Variants in TLX2 observed in about 807,000 individuals in gnomAD.
The protein encoded by TLX2 is T-cell leukemia homeobox protein 2.
Under a neutral mutation model 21.7 loss-of-function variants are expected in TLX2, and 15 were observed. The ratio of observed to expected loss-of-function variants is 0.69; its 90% CI spans 0.46 to 1.07. The LOEUF (loss-of-function observed/expected upper bound fraction) is 1.07. Among genes scored for constraint, TLX2 ranks in the 50% least tolerant of loss-of-function variants. The probability of loss-of-function intolerance (pLI) is 0.00; values close to 1 mark genes in which losing one functional copy is unlikely to be tolerated. For synonymous variants in TLX2, 213 were observed against 193.1 expected, an observed-to-expected ratio of 1.10 and a Z score of -0.85; for missense variants, 384 against 409.1, an observed-to-expected ratio of 0.94 and a Z score of 0.53.
chr2:74,517,100 T>C lies in TLX2; in HGVS notation c.*911T>C, dbSNP rs1468170674. The C allele has an allele frequency of 6.6e-6, 1 of 152,290 alleles. No individual in the cohort carries two copies. The allele number at this position is 152,290 out of a possible 1,614,324, so 9.4% of individuals were successfully genotyped here. A position where few individuals can be genotyped will look rare whatever the true frequency, so the allele number is the denominator to read the frequency against. On this transcript the variant is annotated 3_prime_UTR_variant, in exon 3 of 3. Coordinates refer to ENST00000233638, the MANE Select transcript of TLX2 (RefSeq NM_016170.5). Reference sequence around the variant, plus strand: ...GAAGACTGGAGCAAAATTAACTGTATAGGCAAAACTAAATGTTATACCTAG... The same window carrying C: ...GAAGACTGGAGCAAAATTAACTGTACAGGCAAAACTAAATGTTATACCTAG...
In TLX2 at chr2:74,516,322, C is replaced by T. The variant is rs987175253; in HGVS notation, c.*133C>T. ...TTGAGGCTGTCGTCGAGGGCTCCTC[C>T]ACCACCGGCCGGCTCCCAAGCCAGC... On this transcript the variant is annotated 3_prime_UTR_variant, in exon 3 of 3. Transcript: ENST00000233638. 1 of 1,524,800 alleles carries T rather than the reference C, an allele frequency of 6.6e-7. No individual in the cohort carries two copies. Among genetic ancestry groups the T allele is most frequent in the Non-Finnish European group, 8.8e-7 (1 of 1,141,350 alleles). 94.5% of individuals were successfully genotyped at this position (1,524,800 alleles called of 1,614,324 possible). A position where few individuals can be genotyped will look rare whatever the true frequency, so the allele number is the denominator to read the frequency against.
chr2:74,515,598 G>A lies in TLX2; in HGVS notation c.401-35G>A. Reference sequence around the variant, plus strand: ...TCTCAGTGGCACCTCGGGCCACCCTGCAAATCCTGCCCTGGTCTTTCTTCC... The same window carrying A: ...TCTCAGTGGCACCTCGGGCCACCCTACAAATCCTGCCCTGGTCTTTCTTCC... On this transcript the variant is annotated intron_variant, in intron 1 of 2. Coordinates refer to ENST00000233638, the MANE Select transcript of TLX2 (RefSeq NM_016170.5). This position sits in a 1 kb window ranked among gnomAD's most constrained non-coding sequence, Gnocchi z 6.6. 6.3e-7 allele frequency: 1 copy of A among 1,580,044 alleles called. No individual in the cohort carries two copies. Among genetic ancestry groups the A allele is most frequent in the South Asian group, 1.1e-5 (1 of 87,780 alleles).
rs1674889699 is a variant in TLX2 at position 74,516,457 on chromosome 2, G to A, written c.*268G>A. The A allele has an allele frequency of 7.4e-7, 1 of 1,349,564 alleles. No individual in the cohort carries two copies. Among genetic ancestry groups the A allele is most frequent in the African/African-American group, 1.5e-5 (1 of 65,670 alleles). 83.6% of individuals were successfully genotyped at this position (1,349,564 alleles called of 1,614,324 possible). ...GGCGCCGAGAGGGCGGGACCTGCAG[G>A]ACAGTAGCCAATGAGGTGCGGGGAG... On this transcript the variant is annotated 3_prime_UTR_variant, in exon 3 of 3. Coordinates refer to ENST00000233638, the MANE Select transcript of TLX2 (RefSeq NM_016170.5).
Position 74,516,412 on chromosome 2 carries a change from A to G in TLX2, c.*223A>G, listed in dbSNP as rs1356772008. ...CGCCATTTTTCACTTCACTGCCGTT[A>G]CGCCCTCGCTGGAACCTGAGGCGCC... is the stretch of plus-strand genomic sequence containing the variant. On this transcript the variant is annotated 3_prime_UTR_variant, in exon 3 of 3. Coordinates refer to ENST00000233638, the MANE Select transcript of TLX2 (RefSeq NM_016170.5). The G allele has an allele frequency of 7.0e-7, 1 of 1,430,114 alleles. No homozygotes were observed. 88.6% of individuals were successfully genotyped at this position (1,430,114 alleles called of 1,614,324 possible). A position where few individuals can be genotyped will look rare whatever the true frequency, so the allele number is the denominator to read the frequency against.
In TLX2 at chr2:74,516,205, T is replaced by A. The variant is rs1279791661; in HGVS notation, c.*16T>A. The A allele has an allele frequency of 1.9e-6, 3 of 1,604,676 alleles. No individual in the cohort carries two copies. Among genetic ancestry groups the A allele is most frequent in the Non-Finnish European group, 2.5e-6 (3 of 1,176,690 alleles). ...GGTGGTGTGAGCGACGCCCGTCCGA[T>A]CGGCGTGGAGCGCCGGGCCCGGAGC... On this transcript the variant is annotated 3_prime_UTR_variant, in exon 3 of 3. Coordinates refer to ENST00000233638, the MANE Select transcript of TLX2 (RefSeq NM_016170.5).
chr2:74,516,220 G>A lies in TLX2; in HGVS notation c.*31G>A, dbSNP rs754391607. 14 of 1,595,996 alleles carry A rather than the reference G, an allele frequency of 8.8e-6. No homozygotes were observed. Among genetic ancestry groups the A allele is most frequent in the African/African-American group, 1.3e-5 (1 of 74,602 alleles). On this transcript the variant is annotated 3_prime_UTR_variant, in exon 3 of 3. Coordinates refer to ENST00000233638, the MANE Select transcript of TLX2 (RefSeq NM_016170.5). ...GCCCGTCCGATCGGCGTGGAGCGCC[G>A]GGCCCGGAGCGGTGGAGCGCGCGGC...
At position 74,517,072 on chromosome 2, in the gene TLX2, T is replaced by G. The variant is rs544545073; in HGVS notation, c.*883T>G. On this transcript the variant is annotated 3_prime_UTR_variant, in exon 3 of 3. Coordinates refer to ENST00000233638, the MANE Select transcript of TLX2 (RefSeq NM_016170.5). ...GTGCTGTGGATGATGAAAGGGAAAT[T>G]GGGAAGACTGGAGCAAAATTAACTG... 6.6e-6 allele frequency: 1 copy of G among 152,368 alleles called. No individual in the cohort carries two copies. Among genetic ancestry groups the G allele is most frequent in the African/African-American group, 2.4e-5 (1 of 41,568 alleles). The allele number at this position is 152,368 out of a possible 1,614,324, so 9.4% of individuals were successfully genotyped here.
Position 74,515,336 on chromosome 2 carries a change from A to C in TLX2, c.400+130A>C. 4 of 1,492,978 alleles carry C rather than the reference A, an allele frequency of 2.7e-6. No homozygotes were observed. Among genetic ancestry groups the C allele is most frequent in the Non-Finnish European group, 3.6e-6 (4 of 1,120,432 alleles). The allele number at this position is 1,492,978 out of a possible 1,614,324, so 92.5% of individuals were successfully genotyped here. The stretch of plus-strand genomic sequence containing the variant: ...GATCCTCCCAGGGGATCCTCCCCCA[A>C]CTCAAATCTCTGGGTCCTGCCTCCG... On this transcript the variant is annotated intron_variant, in intron 1 of 2. Coordinates refer to ENST00000233638, the MANE Select transcript of TLX2 (RefSeq NM_016170.5). This position sits in a 1 kb window ranked among gnomAD's most constrained non-coding sequence, Gnocchi z 6.6.
Position 74,516,094 on chromosome 2 carries a change from C to T in TLX2, c.760C>T (p.Leu254=). Residue 254 remains leucine, a synonymous_variant, in exon 3 of 3, where the codon CTG becomes TTG. Transcript: ENST00000233638. ...GCCGCTGCCCCCGGACCCTCTCTGC[C>T]TGCACAACTCGTCGCTCTTCGCGCT... ...RPPLPPDPLC[L]HNSSLFALQN... is the part of the protein sequence containing the mutation. 1 of 1,609,194 alleles carries T rather than the reference C, an allele frequency of 6.2e-7. No individual in the cohort carries two copies. Among genetic ancestry groups the T allele is most frequent in the South Asian group, 1.1e-5 (1 of 90,698 alleles).
rs1413819181 is a variant in TLX2, at chr2:74,514,883, G to A, written c.77G>A (p.Ser26Asn). 27 of 1,612,660 alleles carry A rather than the reference G, an allele frequency of 1.7e-5. No homozygotes were observed. Among genetic ancestry groups the A allele is most frequent in the Non-Finnish European group, 2.2e-5 (26 of 1,179,542 alleles). Reference sequence around the variant, plus strand: ...AGCTTCGGCATCGATCAGATCCTGAGCGGCCCCGAAACCCCAGGGGGCGGT... The same window carrying A: ...AGCTTCGGCATCGATCAGATCCTGAACGGCCCCGAAACCCCAGGGGGCGGT... The part of the protein sequence containing the change: ...PISFGIDQIL[S>N]GPETPGGGLG... Residue 26 changes from serine (S) to asparagine (N), a missense_variant, in exon 1 of 3, where the codon AGC becomes AAC. Ser to Asn is a conservative substitution (Grantham distance 46). Transcript: ENST00000233638. The surrounding 1 kb of genome is among the most constrained non-coding windows in gnomAD (Gnocchi z 5.0).
Position 74,515,098 on chromosome 2 carries a change from G to T in TLX2, c.292G>T (p.Ala98Ser). The change falls in exon 1 of 3, where the codon GCG becomes TCG. Residue 98 changes from alanine (A) to serine (S), a missense_variant. Coordinates refer to ENST00000233638, the MANE Select transcript of TLX2 (RefSeq NM_016170.5). This position sits in a 1 kb window ranked among gnomAD's most constrained non-coding sequence, Gnocchi z 6.6. ...PLPVPPPAGGAPAVPGPSGLG... is the reference protein window; with the variant it reads ...PLPVPPPAGGSPAVPGPSGLG... ...GCCTGTGCCGCCGCCCGCTGGGGGGGCGCCTGCAGTGCCTGGGCCCTCGGG... is the reference window on the plus strand; with the variant it reads ...GCCTGTGCCGCCGCCCGCTGGGGGGTCGCCTGCAGTGCCTGGGCCCTCGGG... 2.0e-6 allele frequency: 3 copies of T among 1,527,304 alleles called. No homozygotes were observed. The highest frequency in any genetic ancestry group is 2.6e-6 in the Non-Finnish European group (3 of 1,139,708). 94.6% of individuals were successfully genotyped at this position (1,527,304 alleles called of 1,614,324 possible).
In TLX2 at chr2:74,516,238, C is replaced by A; in HGVS notation, c.*49C>A. The A allele has an allele frequency of 6.3e-7, 1 of 1,575,320 alleles. No individual in the cohort carries two copies. Among genetic ancestry groups the A allele is most frequent in the Admixed American group, 1.8e-5 (1 of 55,346 alleles). On this transcript the variant is annotated 3_prime_UTR_variant, in exon 3 of 3. Coordinates refer to ENST00000233638, the MANE Select transcript of TLX2 (RefSeq NM_016170.5). ...GAGCGCCGGGCCCGGAGCGGTGGAG[C>A]GCGCGGCTGCCTGCGTCCATGGTCT...
At position 74,515,910 on chromosome 2, in the gene TLX2, A is replaced by G; in HGVS notation, c.638+40A>G. The G allele has an allele frequency of 1.3e-6, 2 of 1,578,662 alleles. No homozygotes were observed. The highest frequency in any genetic ancestry group is 8.6e-7 in the Non-Finnish European group (1 of 1,161,970). On this transcript the variant is annotated intron_variant, in intron 2 of 2. Coordinates refer to ENST00000233638, the MANE Select transcript of TLX2 (RefSeq NM_016170.5). The surrounding 1 kb of genome is among the most constrained non-coding windows in gnomAD (Gnocchi z 6.6). ...GGGCGAGGGCGGACTGGGGTTCCCG[A>G]GCAGGGCCTGGTGAGAAGCGACGCG...
Position 74,516,482 on chromosome 2 carries a change from G to C in TLX2, c.*293G>C, listed in dbSNP as rs1013441371. ...GACAGTAGCCAATGAGGTGCGGGGAGGGGGCCGGGCTGGCCAATGGGAGCT... is the reference window on the plus strand; with the variant it reads ...GACAGTAGCCAATGAGGTGCGGGGACGGGGCCGGGCTGGCCAATGGGAGCT... On this transcript the variant is annotated 3_prime_UTR_variant, in exon 3 of 3. Transcript: ENST00000233638. 4.6e-6 allele frequency: 6 copies of C among 1,294,904 alleles called. No individual in the cohort carries two copies. Among genetic ancestry groups the C allele is most frequent in the South Asian group, 3.1e-5 (2 of 63,492 alleles). The allele number at this position is 1,294,904 out of a possible 1,614,324, so 80.2% of individuals were successfully genotyped here.
At position 74,515,184 on chromosome 2, in the gene TLX2, CTT is replaced by C; in HGVS notation, c.380_381del (p.Phe127CysfsTer239). ...TCCCCTGGATGGACAGCGGCCGCCGCTTTGCCAAGGACCGGCTCACGGGTGAG... is the reference window on the plus strand; with the variant it reads ...TCCCCTGGATGGACAGCGGCCGCCGCTGCCAAGGACCGGCTCACGGGTGAG... ...TFPWMDSGRR[F>X]AKDRLTAALS... On this transcript the variant is annotated frameshift_variant, in exon 1 of 3. Transcript: ENST00000233638. LOFTEE classifies it high-confidence loss of function. The surrounding 1 kb of genome is among the most constrained non-coding windows in gnomAD (Gnocchi z 6.6). 6.5e-7 allele frequency: 1 copy of C among 1,541,348 alleles called. No individual in the cohort carries two copies. The highest frequency in any genetic ancestry group is 8.7e-7 in the Non-Finnish European group (1 of 1,147,864).
Position 74,515,004 on chromosome 2 carries a change from T to A in TLX2, c.198T>A (p.Leu66=), listed in dbSNP as rs1398017073. ...GASGYGPAGS[L]APLPGSSGVG... ...CGGGCTACGGTCCCGCCGGCTCACT[T>A]GCCCCGCTGCCCGGCAGCTCCGGAG... Residue 66 remains leucine (L), a synonymous_variant, in exon 1 of 3, where the codon CTT becomes CTA. Coordinates refer to ENST00000233638, the MANE Select transcript of TLX2 (RefSeq NM_016170.5). The surrounding 1 kb of genome is among the most constrained non-coding windows in gnomAD (Gnocchi z 6.6). 1 of 1,532,886 alleles carries A rather than the reference T, an allele frequency of 6.5e-7. No individual in the cohort carries two copies. Among genetic ancestry groups the A allele is most frequent in the African/African-American group, 1.4e-5 (1 of 69,832 alleles). 95.0% of individuals were successfully genotyped at this position (1,532,886 alleles called of 1,614,324 possible).
At position 74,514,496 on chromosome 2, in the gene TLX2, TG is replaced by T. The variant is rs1299179283; in HGVS notation, c.-308del. ...TGGCCAACCCTCTCCACCCGGGACT[TG>T]GGCAGCGGCGCCGGCAGCCCAGCGT... is the stretch of plus-strand genomic sequence containing the variant. On this transcript the variant is annotated 5_prime_UTR_variant, in exon 1 of 3. Coordinates refer to ENST00000233638, the MANE Select transcript of TLX2 (RefSeq NM_016170.5). The surrounding 1 kb of genome is among the most constrained non-coding windows in gnomAD (Gnocchi z 5.0). 29 of 1,270,722 alleles carry T rather than the reference TG, an allele frequency of 2.3e-5. No homozygotes were observed. Among genetic ancestry groups the T allele is most frequent in the Non-Finnish European group, 2.9e-5 (29 of 1,001,608 alleles). The allele number at this position is 1,270,722 out of a possible 1,614,324, so 78.7% of individuals were successfully genotyped here. A position where few individuals can be genotyped will look rare whatever the true frequency, so the allele number is the denominator to read the frequency against.
chr2:74,514,688 G>T lies in TLX2; in HGVS notation c.-119G>T, dbSNP rs1649832747. The T allele has an allele frequency of 6.5e-7, 1 of 1,538,544 alleles. No homozygotes were observed. Among genetic ancestry groups the T allele is most frequent in the Non-Finnish European group, 8.7e-7 (1 of 1,143,266 alleles). On this transcript the variant is annotated 5_prime_UTR_variant, in exon 1 of 3. Transcript: ENST00000233638. This position sits in a 1 kb window ranked among gnomAD's most constrained non-coding sequence, Gnocchi z 5.0. Reference sequence around the variant, plus strand: ...TCGGGGACCCCGGCGCCCTGCCTTGGCCAGCCCCGCGGGCCCCTGAGGCCA... The same window carrying T: ...TCGGGGACCCCGGCGCCCTGCCTTGTCCAGCCCCGCGGGCCCCTGAGGCCA...
Position 74,515,730 on chromosome 2 carries a change from C to G in TLX2, c.498C>G (p.Arg166=). 6.2e-7 allele frequency: 1 copy of G among 1,613,630 alleles called. No homozygotes were observed. The highest frequency in any genetic ancestry group is 1.7e-5 in the Admixed American group (1 of 60,028). ...AGAAGCCGCGCACGTCCTTCTCCCG[C>G]TCACAGGTGCTGGAGTTGGAGCGGC... ...KRKKPRTSFS[R]SQVLELERRF... Residue 166 remains arginine (R), a synonymous_variant, in exon 2 of 3, where the codon CGC becomes CGG. Transcript: ENST00000233638. The surrounding 1 kb of genome is among the most constrained non-coding windows in gnomAD (Gnocchi z 6.6).
Sources: gnomAD v4.1 joint callset for allele counts on GRCh38, gnomAD v4.1.1 for gene constraint, Gnocchi (gnomAD v3.1) non-coding constraint, MANE v1.5 for transcripts, NCBI Gene and HGNC (gene_info 2026-07-23, HGNC 2026-07-21) for gene names.